Variants in SAMMSON observed in about 807,000 individuals in gnomAD.
The protein encoded by SAMMSON is long intergenic non-protein coding RNA 1212.
intron 6 of SAMMSON, among the ~76,000 whole-genome samples, chr3:70,253,111 C>T (rs1406497722): frequency 2.0e-5 from 3 of 151,880 alleles, no homozygotes; most frequent in African/African-American, 7.3e-5. Flanking sequence ...GAAACTAATA[C>T]CTAAAATAAA....
intron 4 of SAMMSON, among the ~76,000 whole-genome samples, chr3:70,118,032 C>G (rs1175847864): frequency 6.6e-6 from 1 of 152,150 alleles, no homozygotes; most frequent in Non-Finnish European, 1.5e-5. Context: ...ACTCTCCTGC[C>G]TCAGCCTCGC....
At chr3:70,334,628 G>A (rs544442799) in intron 7 of SAMMSON, among the ~76,000 whole-genome samples, 1 of 152,096 alleles carries the variant, frequency 6.6e-6, no homozygotes, top group African/African-American at 2.4e-5. Flanking sequence ...GTCTGGCACT[G>A]TGCTAGGCTC....
intron 1 of SAMMSON, among the ~76,000 whole-genome samples, chr3:70,007,056 G>A (rs578142035): frequency 6.1e-4 from 93 of 152,058 alleles, no homozygotes; most frequent in Middle Eastern, 3.4e-3. Flanking sequence ...ATTGTTGGAC[G>A]TTTGGGTTGG....
intron 9 of SAMMSON, among the ~76,000 whole-genome samples, chr3:70,358,889 C>G (rs935807060): frequency 6.6e-6 from 1 of 152,056 alleles, no homozygotes; most frequent in Non-Finnish European, 1.5e-5. Context: ...GTTGTCGTAA[C>G]AGAATTTATG....
In SAMMSON at chr3:70,381,309, A is replaced by G. The variant is rs113166190; in HGVS notation, n.914-8265A>G. ...AAATTCTTAAAGAAGAATTCCAGCT[A>G]ATAAATGTGGAATGAGTGACAGAAA... On this transcript the variant is annotated intron_variant and non_coding_transcript_variant, in intron 9 of 9. Coordinates refer to ENST00000642114, the Ensembl canonical transcript of SAMMSON. 7.5e-3 allele frequency among the ~76,000 whole-genome samples: 1,136 copies of G among 152,308 alleles called. 11 individuals carry two copies. The highest frequency in any genetic ancestry group is 0.013 in the Non-Finnish European group (876 of 68,022).
At position 70,406,265 on chromosome 3, in the gene SAMMSON, G is replaced by C. The variant is rs548206357; in HGVS notation, n.233+47941G>C. On this transcript the variant is annotated intron_variant and non_coding_transcript_variant, in intron 2 of 3. Transcript: ENST00000641053. ...GAAATAATTCTAACCAGAAGACAAT[G>C]GAAAAACCTCATTTAAGTGCTGAAA... is the stretch of plus-strand genomic sequence containing the variant. Among the ~76,000 whole-genome samples the C allele has an allele frequency of 3.3e-5, 5 of 152,054 alleles. No individual in the cohort carries two copies. In the South Asian group the frequency reaches 8.3e-4, roughly 25 times the overall value.
intron 3 of SAMMSON, among the ~76,000 whole-genome samples, chr3:70,032,177 C>G (rs2067068559): frequency 1.3e-5 from 2 of 152,042 alleles, no homozygotes; most frequent in African/African-American, 2.4e-5. Flanking sequence ...TTTGATCAGC[C>G]AATTAACATT....
chr3:70,315,650 A>G (rs1702488820), intron 7 of SAMMSON, among the ~76,000 whole-genome samples: 1 of 152,114 alleles, frequency 6.6e-6, no homozygotes, highest in South Asian at 2.1e-4. Flanking sequence ...CAAAATTGTC[A>G]TCTGGGTAAT....
chr3:70,068,378 A>G (rs1471087750), intron 3 of SAMMSON: 1 of 152,030 alleles, frequency 6.6e-6, no homozygotes, highest in African/African-American at 2.4e-5. Flanking sequence ...TTTACAGTGG[A>G]ATTTCTCTCC....
intron 4 of SAMMSON, among the ~76,000 whole-genome samples, chr3:70,115,238 A>T (rs987997355): frequency 6.6e-6 from 1 of 151,580 alleles, no homozygotes; most frequent in Non-Finnish European, 1.5e-5. Flanking sequence ...AAAGAAAGAA[A>T]AAAAGCAGAA....
chr3:70,250,745 G>T (rs1701757421), intron 6 of SAMMSON, among the ~76,000 whole-genome samples: 1 of 152,076 alleles, frequency 6.6e-6, no homozygotes, highest in Admixed American at 6.5e-5. Flanking sequence ...GAAGCATCTT[G>T]CAATTTGGGA....
chr3:70,207,389 A>T (rs530439105), intron 4 of SAMMSON, among the ~76,000 whole-genome samples: 2 of 152,050 alleles, frequency 1.3e-5, no homozygotes, highest in Non-Finnish European at 2.9e-5. Flanking sequence ...CTTTGGGGAT[A>T]TGCTTCTTGG....
intron 4 of SAMMSON, among the ~76,000 whole-genome samples, chr3:70,156,099 C>T (rs1017159110): frequency 6.6e-6 from 1 of 151,964 alleles, no homozygotes; most frequent in African/African-American, 2.4e-5. Flanking sequence ...TCCTTCCAAA[C>T]AGAAAGACCC....
chr3:70,350,017 G>A (rs1702781790), intron 7 of SAMMSON, among the ~76,000 whole-genome samples: 1 of 152,132 alleles, frequency 6.6e-6, no homozygotes, highest in Admixed American at 6.5e-5. Flanking sequence ...AAAGAAGAAG[G>A]AAAATTTCCA....
intron 4 of SAMMSON, among the ~76,000 whole-genome samples, chr3:70,142,919 C>T (rs182209481): frequency 6.6e-6 from 1 of 152,042 alleles, no homozygotes; most frequent in Admixed American, 6.6e-5. Flanking sequence ...TACTTGAGTC[C>T]CTATTTCACA....
chr3:70,098,495 G>A (rs557285499), intron 4 of SAMMSON, among the ~76,000 whole-genome samples: 15 of 152,110 alleles, frequency 9.9e-5, no homozygotes, highest in African/African-American at 3.1e-4. Context: ...AGCCTCCCGA[G>A]TAGTTGGGAG....
chr3:70,291,243 G>A (rs972605845), exon 7 of SAMMSON: 3 of 152,202 alleles, frequency 2.0e-5, no homozygotes, highest in African/African-American at 7.2e-5. Flanking sequence ...ATTGACCTCA[G>A]GTAAGTTACA....
chr3:70,181,655 GA>G (rs1701054256), intron 4 of SAMMSON, among the ~76,000 whole-genome samples: 1 of 152,182 alleles, frequency 6.6e-6, no homozygotes. Flanking sequence ...TGCAGGGTGG[GA>G]AAAGGACCTT....
chr3:70,381,557 A>G (rs1389821643), intron 9 of SAMMSON, among the ~76,000 whole-genome samples: 1 of 152,192 alleles, frequency 6.6e-6, no homozygotes, highest in African/African-American at 2.4e-5. Context: ...AATAAATGAG[A>G]CAACCAGATT....
Sources: gnomAD v4.1 joint callset for allele counts (sites outside exome capture counted in the v4.1 genomes callset) on GRCh38, gnomAD v4.1.1 for gene constraint, MANE v1.5 for transcripts, NCBI Gene and HGNC (gene_info 2026-07-23, HGNC 2026-07-21) for gene names.